Variants in CEP85L observed in about 807,000 individuals in gnomAD.
The protein encoded by CEP85L is centrosomal protein 85L, also known as centrosomal protein of 85 kDa-like.
In CEP85L, 60 loss-of-function variants were observed where a neutral mutation model predicts 100.3. The ratio of observed to expected loss-of-function variants is 0.60; its 90% CI spans 0.49 to 0.74. The LOEUF (loss-of-function observed/expected upper bound fraction) is 0.74. CEP85L is among the 30% of genes least tolerant of loss of function. The pLI is 0.00. For missense variants in CEP85L, 973 were observed against 936.2 expected (o/e 1.04, Z -0.51); for synonymous variants, 319 against 322.7 (o/e 0.99, Z 0.12).
At chr6:118,553,404 T>C (rs1378388083) in intron 3 of CEP85L, among the ~76,000 whole-genome samples, 2 of 152,184 alleles carry the variant, frequency 1.3e-5, no homozygotes, top group African/African-American at 2.4e-5. Flanking sequence ...CCATCTTCTA[T>C]GGATAAAATC....
chr6:118,549,519 CTATGACAAA>C (rs1778412566), intron 3 of CEP85L, among the ~76,000 whole-genome samples: 1 of 151,638 alleles, frequency 6.6e-6, no homozygotes, highest in East Asian at 1.9e-4. Context: ...TTCTCAATTC[CTATGACAAA>C]TGTTAATTCT....
rs757983344 is a variant in CEP85L at position 118,464,717 on chromosome 6, G to C, written c.*688C>G. 1.3e-5 allele frequency: 2 copies of C among 151,962 alleles called. No homozygotes were observed. The highest frequency in any genetic ancestry group is 6.6e-5 in the Admixed American group (1 of 15,216). The allele number at this position is 151,962 out of a possible 1,614,324, so 9.4% of individuals were successfully genotyped here. The stretch of plus-strand genomic sequence containing the variant: ...CAATGCTAAGGAAAAAGAGCATCAC[G>C]TCAAAATTTCACACCTCTTGGGAAA... On this transcript the variant is annotated 3_prime_UTR_variant, in exon 13 of 13. Transcript: ENST00000368491.
intron 3 of CEP85L, among the ~76,000 whole-genome samples, chr6:118,531,398 C>A (rs6938226): frequency 0.46 from 70,093 of 151,932 alleles, 16,647 homozygotes; most frequent in Middle Eastern, 0.57. Context: ...AAACCTAAAA[C>A]TATAAAAACC....
At chr6:118,520,857 G>A (rs1776624088) in intron 4 of CEP85L, among the ~76,000 whole-genome samples, 4 of 152,184 alleles carry the variant, frequency 2.6e-5, no homozygotes, top group Admixed American at 2.6e-4. Flanking sequence ...AATGGTTATA[G>A]TGGCAAATGT....
intron 3 of CEP85L, among the ~76,000 whole-genome samples, chr6:118,531,079 G>A (rs919456547): frequency 2.6e-5 from 4 of 152,084 alleles, no homozygotes; most frequent in African/African-American, 9.7e-5. Context: ...TAAAGTTGGA[G>A]GTATAACGTT....
At chr6:118,561,931 G>A (rs1007203818) in intron 3 of CEP85L, among the ~76,000 whole-genome samples, 1 of 151,998 alleles carries the variant, frequency 6.6e-6, no homozygotes, top group Non-Finnish European at 1.5e-5. Flanking sequence ...GAGACTTCTG[G>A]CAAAGTAGGA....
chr6:118,607,089 G>A (rs1416832015), intron 2 of CEP85L, among the ~76,000 whole-genome samples: 1 of 151,798 alleles, frequency 6.6e-6, no homozygotes, highest in Non-Finnish European at 1.5e-5. Flanking sequence ...TTTCGTTCTG[G>A]CCAGAGCAAA....
chr6:118,543,528 T>A (rs1008728276), intron 3 of CEP85L, among the ~76,000 whole-genome samples: 23 of 152,320 alleles, frequency 1.5e-4, no homozygotes, highest in African/African-American at 4.8e-4. Context: ...CAACTTCAGA[T>A]TTATCTGACT....
intron 1 of CEP85L, among the ~76,000 whole-genome samples, chr6:118,675,111 T>C (rs1226370819): frequency 2.6e-5 from 4 of 152,128 alleles, no homozygotes; most frequent in African/African-American, 9.7e-5. Flanking sequence ...CACCCACACA[T>C]GCACTCACAT....
intron 1 of CEP85L, among the ~76,000 whole-genome samples, chr6:118,707,980 A>T (rs189743568): frequency 5.3e-5 from 1 of 18,754 alleles, no homozygotes; most frequent in African/African-American, 2.1e-4. Flanking sequence ...TGGGGGGGGG[A>T]CGGGGGGGAA....
rs1772318547 is a variant in CEP85L at position 118,463,237 on chromosome 6, G to GT, written c.*2167dup. ...TATCTATAGTAGATTAAAACAAACT[G>GT]TAACGTCTGCTTAAAAAAAAAAAAA... On this transcript the variant is annotated 3_prime_UTR_variant, in exon 13 of 13. Transcript: ENST00000368491. The GT allele has an allele frequency of 6.6e-6, 1 of 151,598 alleles. No homozygotes were observed. Among genetic ancestry groups the GT allele is most frequent in the African/African-American group, 2.4e-5 (1 of 41,300 alleles). 9.4% of individuals were successfully genotyped at this position (151,598 alleles called of 1,614,324 possible).
At chr6:118,502,287 T>C (rs1010223751) in intron 5 of CEP85L, 26 of 536,624 alleles carry the variant, frequency 4.8e-5, no homozygotes, top group African/African-American at 1.9e-4. Context: ...ATTTAATCTA[T>C]GCAATCTATG....
chr6:118,708,760 T>TTTCC (rs1440054328), intron 1 of CEP85L, among the ~76,000 whole-genome samples: 1 of 152,144 alleles, frequency 6.6e-6, no homozygotes, highest in Non-Finnish European at 1.5e-5. Context: ...AATAGACTTT[T>TTTCC]TTCCTTCCTT....
At chr6:118,549,891 A>G (rs1172642402) in intron 3 of CEP85L, among the ~76,000 whole-genome samples, 1 of 151,918 alleles carries the variant, frequency 6.6e-6, no homozygotes, top group African/African-American at 2.4e-5. Flanking sequence ...AGTATGTCTC[A>G]GTTAACAGAA....
At chr6:118,556,032 T>A (rs1778852308) in intron 3 of CEP85L, among the ~76,000 whole-genome samples, 1 of 152,238 alleles carries the variant, frequency 6.6e-6, no homozygotes, top group Non-Finnish European at 1.5e-5. Context: ...GTACCACATT[T>A]TCTTTATCCA....
chr6:118,560,126 A>G (rs1446141624), intron 3 of CEP85L: 1 of 167,016 alleles, frequency 6.0e-6, no homozygotes, highest in Non-Finnish European at 1.5e-5. Flanking sequence ...TTAACTAATT[A>G]TTAGATTATA....
At chr6:118,567,311 C>T (rs1208098667) in intron 2 of CEP85L, among the ~76,000 whole-genome samples, 1 of 133,028 alleles carries the variant, frequency 7.5e-6, no homozygotes, top group Non-Finnish European at 1.6e-5. Flanking sequence ...CAAGCTAGAA[C>T]CTTAGAGTCT....
At chr6:118,610,062 A>G (rs1428490589) in intron 2 of CEP85L, among the ~76,000 whole-genome samples, 1 of 95,756 alleles carries the variant, frequency 1.0e-5, no homozygotes, top group African/African-American at 2.9e-5. Flanking sequence ...ATAATGATGT[A>G]AACTGTGCTA....
At chr6:118,552,198 TAAAC>T (rs1296845403) in intron 3 of CEP85L, among the ~76,000 whole-genome samples, 3 of 151,806 alleles carry the variant, frequency 2.0e-5, no homozygotes, top group Non-Finnish European at 2.9e-5. Context: ...ACTAAAAGAA[TAAAC>T]AAAATTAAAA....
Sources: allele counts gnomAD v4.1 joint callset (sites outside exome capture counted in the v4.1 genomes callset), GRCh38; gene constraint gnomAD v4.1.1; transcripts MANE v1.5; gene names NCBI Gene and HGNC (gene_info 2026-07-23, HGNC 2026-07-21).